Variants in PLAGL1 observed in about 807,000 individuals in gnomAD.
PLAGL1 encodes the protein zinc finger protein PLAGL1.
In PLAGL1, 1 loss-of-function variant was observed where a neutral mutation model predicts 4.6. The observed-to-expected ratio is 0.22, with a 90% confidence interval of 0.08 to 1.03. The LOEUF is 1.03. Among genes scored for constraint, PLAGL1 ranks in the 50% least tolerant of loss-of-function variants. The pLI, the probability that PLAGL1 is intolerant of heterozygous loss-of-function variation, is 0.58. For synonymous variants in PLAGL1, 240 were observed against 237.8 expected, an observed-to-expected ratio of 1.01 and a Z score of -0.08; for missense variants, 464 against 570.4, an observed-to-expected ratio of 0.81 and a Z score of 1.90.
intron 1 of PLAGL1, among the ~76,000 whole-genome samples, chr6:143,987,712 T>C (rs889623394): frequency 6.6e-6 from 1 of 152,116 alleles, no homozygotes; most frequent in Non-Finnish European, 1.5e-5. Flanking sequence ...GATACAGCTC[T>C]CTTTTCAATG....
intron 1 of PLAGL1, among the ~76,000 whole-genome samples, chr6:144,042,505 A>T (rs150801919): frequency 0.016 from 2,380 of 152,196 alleles, 59 homozygotes; most frequent in African/African-American, 0.054. Context: ...GTTATTTCTG[A>T]GGCCTCTGTT....
At chr6:144,021,730 G>C (rs1323956675) in intron 1 of PLAGL1, among the ~76,000 whole-genome samples, 5 of 152,160 alleles carry the variant, frequency 3.3e-5, no homozygotes, top group African/African-American at 1.2e-4. Flanking sequence ...TTAGGCAGTG[G>C]GAGTAATGAA....
chr6:144,031,036 T>C (rs1796784967), intron 1 of PLAGL1, among the ~76,000 whole-genome samples: 1 of 152,212 alleles, frequency 6.6e-6, no homozygotes, highest in Non-Finnish European at 1.5e-5. Context: ...TTTTTTTTAT[T>C]ATGGCCATTC....
intron 2 of PLAGL1, among the ~76,000 whole-genome samples, chr6:143,976,904 T>A (rs576416714): frequency 1.2e-4 from 18 of 152,340 alleles, no homozygotes; most frequent in Non-Finnish European, 2.1e-4. Flanking sequence ...TGCTACAAAT[T>A]CCTGTCTAAG....
chr6:143,973,100 C>T lies in PLAGL1; in HGVS notation c.-543-4122G>A, dbSNP rs964427769. The stretch of plus-strand genomic sequence containing the variant: ...AAGAAGGTCCATTCCACCCCATGTG[C>T]TCCTTTTCAGCTGTCAATAAACAGA... On this transcript the variant is annotated intron_variant, in intron 2 of 7. Coordinates refer to ENST00000674357, the MANE Select transcript of PLAGL1 (RefSeq NM_001317162.2). This position sits in a 1 kb window ranked among gnomAD's most constrained non-coding sequence, Gnocchi z 6.2. 1.3e-5 allele frequency among the ~76,000 whole-genome samples: 2 copies of T among 152,196 alleles called. No homozygotes were observed. The highest frequency in any genetic ancestry group is 2.4e-5 in the African/African-American group (1 of 41,458).
chr6:144,010,065 C>T (rs1795048336), upstream of PLAGL1, among the ~76,000 whole-genome samples: 1 of 152,170 alleles, frequency 6.6e-6, no homozygotes, highest in Admixed American at 6.5e-5. This position sits in a 1 kb window ranked among gnomAD's most constrained non-coding sequence, Gnocchi z 4.1. Flanking sequence ...AATGGTATTT[C>T]TGGTTCTAGA....
chr6:144,006,650 T>C lies in PLAGL1; in HGVS notation c.-584+1440A>G, dbSNP rs1794260309. On this transcript the variant is annotated intron_variant, in intron 1 of 7. Coordinates refer to ENST00000674357, the MANE Select transcript of PLAGL1 (RefSeq NM_001317162.2). The surrounding 1 kb of genome is among the most constrained non-coding windows in gnomAD (Gnocchi z 4.3). ...AAATACTTCATTGGCCACTGTACAG[T>C]GTGCCCTTTTTATGAGTGGTGTATA... 1 of 152,056 alleles carries C rather than the reference T, an allele frequency of 6.6e-6. No individual in the cohort carries two copies. The highest frequency in any genetic ancestry group is 2.1e-4 in the South Asian group (1 of 4,820). The allele number at this position is 152,056 out of a possible 1,614,324, so 9.4% of individuals were successfully genotyped here. A position where few individuals can be genotyped will look rare whatever the true frequency, so the allele number is the denominator to read the frequency against.
chr6:143,973,961 G>T lies in PLAGL1; in HGVS notation c.-543-4983C>A, dbSNP rs1205729658. Reference sequence around the variant, plus strand: ...AACAGAGATATAACAGGTTTTTTTGGATCCAGGTAATCACCCAAACTGGGT... The same window carrying T: ...AACAGAGATATAACAGGTTTTTTTGTATCCAGGTAATCACCCAAACTGGGT... On this transcript the variant is annotated intron_variant, in intron 2 of 7. Transcript: ENST00000674357. The surrounding 1 kb of genome is among the most constrained non-coding windows in gnomAD (Gnocchi z 6.2). Among the ~76,000 whole-genome samples, 1 of 152,122 alleles carries T rather than the reference G, an allele frequency of 6.6e-6. No individual in the cohort carries two copies. The highest frequency in any genetic ancestry group is 1.5e-5 in the Non-Finnish European group (1 of 68,012).
At chr6:144,017,840 G>A (rs553773222) in intron 1 of PLAGL1, among the ~76,000 whole-genome samples, 3 of 152,198 alleles carry the variant, frequency 2.0e-5, no homozygotes, top group Middle Eastern at 3.4e-3. Flanking sequence ...GCTCTTCCTG[G>A]TTTCTCACTC....
At position 143,992,969 on chromosome 6, in the gene PLAGL1, G is replaced by A. The variant is rs547945327; in HGVS notation, c.-583-7795C>T. ...CTCCAGCCTGGGTGACAGAGTGAGT[G>A]AGACTCCATCTCAAAAAAACAAACA... is the stretch of plus-strand genomic sequence containing the variant. On this transcript the variant is annotated intron_variant, in intron 1 of 7. Transcript: ENST00000674357. Among the ~76,000 whole-genome samples, 154 of 149,584 alleles carry A rather than the reference G, an allele frequency of 1.0e-3. 2 individuals carry two copies. The highest frequency in any genetic ancestry group is 4.5e-3 in the Admixed American group (68 of 14,998).
At chr6:143,946,675 C>T (rs1306372634) in intron 7 of PLAGL1, among the ~76,000 whole-genome samples, 1 of 152,154 alleles carries the variant, frequency 6.6e-6, no homozygotes, top group Non-Finnish European at 1.5e-5. Context: ...CAGGGTCACT[C>T]CAAGATTTCA....
In PLAGL1 at chr6:143,978,365, CTG is replaced by C. The variant is rs1226192944; in HGVS notation, c.-544+6768_-544+6769del. On this transcript the variant is annotated intron_variant, in intron 2 of 7. Coordinates refer to ENST00000674357, the MANE Select transcript of PLAGL1 (RefSeq NM_001317162.2). This position sits in a 1 kb window ranked among gnomAD's most constrained non-coding sequence, Gnocchi z 4.6. ...GCTGTATCCCACATGGTTTCATAAA[CTG>C]TATTTTCATTAAAATTAAAAATATT... 6.6e-6 allele frequency among the ~76,000 whole-genome samples: 1 copy of C among 152,038 alleles called. No individual in the cohort carries two copies.
chr6:144,034,646 C>G lies in PLAGL1; in HGVS notation c.-151+29822G>C, dbSNP rs1797085650. Among the ~76,000 whole-genome samples, 1 of 152,118 alleles carries G rather than the reference C, an allele frequency of 6.6e-6. No individual in the cohort carries two copies. Among genetic ancestry groups the G allele is most frequent in the Admixed American group, 6.5e-5 (1 of 15,282 alleles). On this transcript the variant is annotated intron_variant, in intron 1 of 3. Transcript: ENST00000437412. This position sits in a 1 kb window ranked among gnomAD's most constrained non-coding sequence, Gnocchi z 4.7. ...AATGAACCTTGGACAGCCAAAATTT[C>G]ATCTACAATATCAAACATGGAACTT...
At chr6:143,956,322 C>T (rs922256924) in intron 6 of PLAGL1, among the ~76,000 whole-genome samples, 12 of 152,114 alleles carry the variant, frequency 7.9e-5, no homozygotes, top group Admixed American at 6.5e-4. Flanking sequence ...CACTGTAGCC[C>T]GGATGGAAGC....
At chr6:144,052,499 T>C (rs1798646134) in intron 1 of PLAGL1, among the ~76,000 whole-genome samples, 1 of 152,216 alleles carries the variant, frequency 6.6e-6, no homozygotes, top group Admixed American at 6.5e-5. Flanking sequence ...AGGGACTCTA[T>C]CTCCTGTCTA....
Position 144,050,335 on chromosome 6 carries a change from G to C in PLAGL1, c.-151+14133C>G, listed in dbSNP as rs1189905312. 6.6e-6 allele frequency among the ~76,000 whole-genome samples: 1 copy of C among 152,128 alleles called. No homozygotes were observed. The highest frequency in any genetic ancestry group is 2.4e-5 in the African/African-American group (1 of 41,400). On this transcript the variant is annotated intron_variant, in intron 1 of 3. Transcript: ENST00000437412. This position sits in a 1 kb window ranked among gnomAD's most constrained non-coding sequence, Gnocchi z 4.3. ...TGCTGAACTCAACTAAGTGAAATAT[G>C]TCCATAACACAATGCTGCCAGAAGG... is the stretch of plus-strand genomic sequence containing the variant.
At position 144,050,166 on chromosome 6, in the gene PLAGL1, G is replaced by C. The variant is rs1798478402; in HGVS notation, c.-151+14302C>G. ...AATATTTATGTGTCTGGTGAGTTTT[G>C]AGGGAAATTGAGACCACCTAAGGGA... On this transcript the variant is annotated intron_variant, in intron 1 of 3. Coordinates refer to the PLAGL1 transcript ENST00000437412. This position sits in a 1 kb window ranked among gnomAD's most constrained non-coding sequence, Gnocchi z 4.3. Among the ~76,000 whole-genome samples, 1 of 152,116 alleles carries C rather than the reference G, an allele frequency of 6.6e-6. No homozygotes were observed.
rs539999694 is a variant in PLAGL1 at position 143,948,128 on chromosome 6, C to A, written c.9G>T (p.Thr3=). Residue 3 remains threonine (T), a synonymous_variant, in exon 7 of 8, where the codon ACG becomes ACT. Transcript: ENST00000674357. This position sits in a 1 kb window ranked among gnomAD's most constrained non-coding sequence, Gnocchi z 6.0. MA[T]FPCQLCGKTF... ...TCTTGCCACATAACTGGCAGGGGAA[C>A]GTGGCCATGGGCTTTGCTTCTCACA... 1 of 1,613,452 alleles carries A rather than the reference C, an allele frequency of 6.2e-7. No individual in the cohort carries two copies. Among genetic ancestry groups the A allele is most frequent in the East Asian group, 2.2e-5 (1 of 44,882 alleles).
intron 1 of PLAGL1, among the ~76,000 whole-genome samples, chr6:143,998,712 T>C (rs934862840): frequency 6.6e-6 from 1 of 152,010 alleles, no homozygotes; most frequent in African/African-American, 2.4e-5. Flanking sequence ...ATGTAGCTAG[T>C]AGGGTTGTAG....
Sources: gnomAD v4.1 joint callset for allele counts (sites outside exome capture counted in the v4.1 genomes callset) on GRCh38, gnomAD v4.1.1 for gene constraint, Gnocchi (gnomAD v3.1) non-coding constraint, MANE v1.5 for transcripts, NCBI Gene and HGNC (gene_info 2026-07-23, HGNC 2026-07-21) for gene names.